CATSPERE: variants seen among roughly 807,000 people sequenced by gnomAD.
CATSPERE encodes catsper channel auxiliary subunit epsilon.
CATSPERE carries 93 observed loss-of-function variants against 114.1 expected under a neutral mutation model. The ratio of observed to expected loss-of-function variants is 0.81; its 90% CI spans 0.69 to 0.97. The LOEUF is 0.97. Ranked by LOEUF, CATSPERE falls within the 50% of genes least tolerant of loss-of-function variation. The pLI is 0.00. For synonymous variants in CATSPERE, 341 were observed against 384.1 expected, an observed-to-expected ratio of 0.89 and a Z score of 1.31; for missense variants, 1,058 against 1,131.6, an observed-to-expected ratio of 0.93 and a Z score of 0.93.
At chr1:244,569,016 C>T (rs1040925620) in intron 10 of CATSPERE, among the ~76,000 whole-genome samples, 2 of 152,220 alleles carry the variant, frequency 1.3e-5, no homozygotes, top group Non-Finnish European at 2.9e-5. Context: ...GAGGGAGTCT[C>T]CTGGTCTGTG....
chr1:244,635,427 G>C (rs1558633397), intron 20 of CATSPERE, 62 bp from the exon 21 acceptor site: 3 of 1,217,262 alleles, frequency 2.5e-6, no homozygotes, highest in Non-Finnish European at 3.6e-6. Context: ...TAGGGACATG[G>C]AGAGCGTTTT....
intron 8 of CATSPERE, among the ~76,000 whole-genome samples, chr1:244,540,687 T>G (rs1299429166): frequency 6.9e-6 from 1 of 145,908 alleles, no homozygotes; most frequent in African/African-American, 2.5e-5. Context: ...AAAAAGAGCC[T>G]GCATCGCCAA....
rs904299546 is a variant in CATSPERE at position 244,490,488 on chromosome 1, A to G, written c.351+17A>G. On this transcript the variant is annotated intron_variant, in intron 6 of 21. Transcript: ENST00000366534. ...TTTACCCAGGTAAAATATTTTTTAA[A>G]TTTTGTATAGCCTTCATATATCACT... The G allele has an allele frequency of 7.1e-6, 10 of 1,411,962 alleles. No homozygotes were observed. The highest frequency in any genetic ancestry group is 1.4e-5 in the African/African-American group (1 of 70,490). The allele number at this position is 1,411,962 out of a possible 1,614,324, so 87.5% of individuals were successfully genotyped here. A position where few individuals can be genotyped will look rare whatever the true frequency, so the allele number is the denominator to read the frequency against.
intron 19 of CATSPERE, among the ~76,000 whole-genome samples, 166 bp from the exon 20 acceptor site, chr1:244,617,363 T>G (rs1193010807): frequency 6.6e-6 from 1 of 152,224 alleles, no homozygotes; most frequent in Non-Finnish European, 1.5e-5. Flanking sequence ...TTATCAAAGT[T>G]TAACCCAGTA....
intron 8 of CATSPERE, among the ~76,000 whole-genome samples, chr1:244,537,930 T>C (rs545544669): frequency 6.6e-6 from 1 of 152,324 alleles, no homozygotes; most frequent in East Asian, 1.9e-4. Flanking sequence ...TGTTAATTAA[T>C]GATAGAGAGG....
At position 244,504,263 on chromosome 1, in the gene CATSPERE, T is replaced by C. The variant is rs145659265; in HGVS notation, c.429+5184T>C. 2.0e-3 allele frequency among the ~76,000 whole-genome samples: 300 copies of C among 152,336 alleles called. 3 individuals are homozygous for C. Among genetic ancestry groups the C allele is most frequent in the African/African-American group, 6.9e-3 (288 of 41,588 alleles). ...GAAAGAGTTTTTTAAATATAAGGTT[T>C]CTATGTCCTCACCTTGCATTCATTC... On this transcript the variant is annotated intron_variant, in intron 7 of 21. Coordinates refer to ENST00000366534, the MANE Select transcript of CATSPERE (RefSeq NM_001130957.2). This position sits in a 1 kb window ranked among gnomAD's most constrained non-coding sequence, Gnocchi z 4.1.
intron 17 of CATSPERE, among the ~76,000 whole-genome samples, chr1:244,597,309 A>G (rs1316795238): frequency 6.6e-6 from 1 of 152,110 alleles, no homozygotes; most frequent in East Asian, 1.9e-4. Flanking sequence ...TCACCACTCT[A>G]TTGGCACTGG....
intron 17 of CATSPERE, among the ~76,000 whole-genome samples, chr1:244,602,799 T>C (rs1252306047): frequency 6.6e-6 from 1 of 152,174 alleles, no homozygotes; most frequent in Non-Finnish European, 1.5e-5. Flanking sequence ...TCCTGAGGAT[T>C]CGCTTTAGTC....
chr1:244,602,488 C>T (rs1181834087), intron 17 of CATSPERE, among the ~76,000 whole-genome samples: 3 of 152,162 alleles, frequency 2.0e-5, no homozygotes, highest in Non-Finnish European at 4.4e-5. Flanking sequence ...TAGGGAATGG[C>T]TCAGGTACAA....
intron 8 of CATSPERE, among the ~76,000 whole-genome samples, chr1:244,524,228 G>A (rs1678127905): frequency 6.8e-6 from 1 of 147,722 alleles, no homozygotes; most frequent in Non-Finnish European, 1.5e-5. Context: ...AGAAAAACAA[G>A]CAATGGGGAA....
rs961308745 is a variant in CATSPERE at position 244,575,006 on chromosome 1, T to G, written c.1950+2234T>G. 1.3e-5 allele frequency among the ~76,000 whole-genome samples: 2 copies of G among 152,210 alleles called. No homozygotes were observed. The highest frequency in any genetic ancestry group is 2.9e-5 in the Non-Finnish European group (2 of 68,024). ...TCTGATCTCTGTCTCTTTCAGTCTC[T>G]CGCTCACTTATTCTCTCCCTCTATC... On this transcript the variant is annotated intron_variant, in intron 11 of 21. Transcript: ENST00000366534. The surrounding 1 kb of genome is among the most constrained non-coding windows in gnomAD (Gnocchi z 4.5).
chr1:244,554,886 A>C (rs1661338527), intron 9 of CATSPERE, among the ~76,000 whole-genome samples: 1 of 150,580 alleles, frequency 6.6e-6, no homozygotes. Context: ...AAAACCCTCA[A>C]AAAAAATTCT....
At position 244,499,055 on chromosome 1, in the gene CATSPERE, G is replaced by A. The variant is rs1673575085; in HGVS notation, c.405G>A (p.Leu135=). The A allele has an allele frequency of 1.9e-6, 3 of 1,611,932 alleles. No homozygotes were observed. Among genetic ancestry groups the A allele is most frequent in the Non-Finnish European group, 2.5e-6 (3 of 1,178,316 alleles). The change falls in exon 7 of 22, where the codon CTG becomes CTA. Residue 135 remains leucine (L), a synonymous_variant. Transcript: ENST00000366534. ...AAAGTGCAGATCCTGATGAGTTGCT[G>A]GGGAATGCAGAAGAACCTTCAATAG... ...DPESADPDEL[L]GNAEEPSINS...
intron 9 of CATSPERE, among the ~76,000 whole-genome samples, chr1:244,558,688 A>G (rs904445206): frequency 6.6e-6 from 1 of 152,028 alleles, no homozygotes; most frequent in Admixed American, 6.6e-5. Context: ...AATTAACTTT[A>G]CTTTCTCATC....
At chr1:244,478,020 C>G in intron 4 of CATSPERE, 45 bp downstream of exon 4, 1 of 1,325,614 alleles carries the variant, frequency 7.5e-7, no homozygotes. Flanking sequence ...AATAATCATC[C>G]TGTTATCCTG....
At chr1:244,471,488 A>G (rs1034712418) in intron 2 of CATSPERE, among the ~76,000 whole-genome samples, 2 of 152,222 alleles carry the variant, frequency 1.3e-5, no homozygotes, top group Admixed American at 6.5e-5. Flanking sequence ...ATGAAGATAT[A>G]CAACATTTAC....
intron 20 of CATSPERE, 92 bp from the exon 21 acceptor site, chr1:244,635,397 A>G: frequency 3.4e-6 from 3 of 874,626 alleles, no homozygotes; most frequent in East Asian, 5.1e-5. Flanking sequence ...CTAGGATTAT[A>G]TATGGTTTGA....
At chr1:244,496,138 CA>C (rs1464716733) in intron 6 of CATSPERE, among the ~76,000 whole-genome samples, 1 of 151,948 alleles carries the variant, frequency 6.6e-6, no homozygotes, top group African/African-American at 2.4e-5. Context: ...ATCCATGGGC[CA>C]AAAAAGAAAC....
intron 13 of CATSPERE, among the ~76,000 whole-genome samples, chr1:244,585,462 C>A (rs1027160407): frequency 2.6e-5 from 4 of 152,230 alleles, no homozygotes; most frequent in African/African-American, 9.6e-5. Context: ...GTAGCCCTTT[C>A]AGGCAACAGG....
Sources: allele counts gnomAD v4.1 joint callset (sites outside exome capture counted in the v4.1 genomes callset), GRCh38; gene constraint gnomAD v4.1.1; non-coding constraint Gnocchi (gnomAD v3.1); transcripts MANE v1.5; gene names NCBI Gene and HGNC (gene_info 2026-07-23, HGNC 2026-07-21).